UNC80: variants seen among roughly 807,000 people sequenced by gnomAD.
UNC80 encodes protein unc-80 homolog.
In UNC80, 164 loss-of-function variants were observed where a neutral mutation model predicts 384.6. The observed-to-expected ratio is 0.43, with a 90% CI of 0.38 to 0.49. UNC80 has a LOEUF of 0.49. Ranked by LOEUF, UNC80 falls within the 20% of genes least tolerant of loss-of-function variation. UNC80 has a pLI of 0.00. For missense variants in UNC80, 3,330 were observed against 4,143.0 expected, an observed-to-expected ratio of 0.80 and a Z score of 5.39; for synonymous variants, 1,486 against 1,527.8, an observed-to-expected ratio of 0.97 and a Z score of 0.64.
Position 209,842,352 on chromosome 2 carries a change from C to A in UNC80, c.3360C>A (p.Val1120=). The A allele has an allele frequency of 6.5e-7, 1 of 1,544,376 alleles. No individual in the cohort carries two copies. The highest frequency in any genetic ancestry group is 8.7e-7 in the Non-Finnish European group (1 of 1,143,868). Residue 1120 remains valine (V), a splice_region_variant and synonymous_variant, in exon 21 of 65, where the codon GTC becomes GTA. Coordinates refer to ENST00000673920, the MANE Select transcript of UNC80 (RefSeq NM_001371986.1). ...TTCCTTTTTTTTTCTTTTTTCAGGTCAAATTCACTAGTGCTGTGAAGCTTT... is the reference window on the plus strand; with the variant it reads ...TTCCTTTTTTTTTCTTTTTTCAGGTAAAATTCACTAGTGCTGTGAAGCTTT... ...RLSFIRQSSK[V]KFTSAVKLSE...
At chr2:209,799,628 G>A (rs1024255106) in intron 7 of UNC80, among the ~76,000 whole-genome samples, 1 of 152,156 alleles carries the variant, frequency 6.6e-6, no homozygotes, top group Non-Finnish European at 1.5e-5. Context: ...AGTGGTAAGA[G>A]AGGGCATCCT....
intron 22 of UNC80, among the ~76,000 whole-genome samples, chr2:209,867,291 G>A (rs2083914010): frequency 6.6e-6 from 1 of 152,154 alleles, no homozygotes. Flanking sequence ...TGACGCCTAG[G>A]CTCAAATATG....
chr2:209,781,342 T>A (rs1046220838), intron 4 of UNC80, among the ~76,000 whole-genome samples: 2 of 152,184 alleles, frequency 1.3e-5, no homozygotes, highest in African/African-American at 4.8e-5. Flanking sequence ...AGACTGTGAG[T>A]AACCAAGATG....
chr2:209,962,359 GCTTCTGAGGT>G (rs970097354), intron 51 of UNC80, among the ~76,000 whole-genome samples: 24 of 152,056 alleles, frequency 1.6e-4, no homozygotes, highest in Non-Finnish European at 3.2e-4. Flanking sequence ...AAAAACCTTG[GCTTCTGAGGT>G]CTTCATTTTG....
At chr2:209,986,115 G>A (rs1575231230) in intron 61 of UNC80, among the ~76,000 whole-genome samples, 1 of 152,222 alleles carries the variant, frequency 6.6e-6, no homozygotes, top group East Asian at 1.9e-4. Flanking sequence ...AAACAAAACA[G>A]TCCTCAAGAG....
rs1396840830 is a variant in UNC80 at position 209,973,267 on chromosome 2, T to C, written c.8584T>C (p.Leu2862=). The change falls in exon 56 of 65, where the codon TTG becomes CTG. Residue 2862 remains leucine, a synonymous_variant. Transcript: ENST00000673920. ...LAESTSQAAY[L]ALKVILVCFE... The stretch of plus-strand genomic sequence containing the variant: ...TGAGTCCACCAGCCAAGCAGCATAC[T>C]TGGGTTGGTACTTTCTCTCTCTCTC... 1.3e-6 allele frequency: 2 copies of C among 1,551,354 alleles called. No individual in the cohort carries two copies. The highest frequency in any genetic ancestry group is 1.4e-5 in the African/African-American group (1 of 73,022).
intron 5 of UNC80, among the ~76,000 whole-genome samples, chr2:209,789,039 G>A (rs746599901): frequency 3.3e-5 from 5 of 152,118 alleles, no homozygotes; most frequent in Non-Finnish European, 7.4e-5. Flanking sequence ...GTAACATACT[G>A]TACAGGTTTG....
intron 35 of UNC80, among the ~76,000 whole-genome samples, chr2:209,923,558 C>G (rs532550402): frequency 3.9e-5 from 6 of 152,192 alleles, no homozygotes; most frequent in East Asian, 3.9e-4. Flanking sequence ...CAGTTCTGTT[C>G]TACTGATCTG....
At chr2:209,961,542 T>C (rs2092590557) in intron 51 of UNC80, 1 of 152,160 alleles carries the variant, frequency 6.6e-6, no homozygotes, top group Non-Finnish European at 1.5e-5. Flanking sequence ...ATGTGAAAGA[T>C]TTTCAAGGAG....
chr2:209,876,760 G>A (rs530602773), intron 23 of UNC80, among the ~76,000 whole-genome samples: 7 of 152,168 alleles, frequency 4.6e-5, no homozygotes, highest in South Asian at 2.1e-4. Context: ...AAACTTACCC[G>A]GTTAGCAGCT....
intron 52 of UNC80, 190 bp from the exon 53 acceptor site, chr2:209,969,578 C>T (rs1034379912): frequency 1.2e-5 from 8 of 677,314 alleles, no homozygotes; most frequent in Non-Finnish European, 1.9e-5. Flanking sequence ...GTGGGGCAGG[C>T]CTGCCTCTGC....
chr2:209,945,720 T>C, intron 46 of UNC80, 127 bp from the exon 47 acceptor site: 1 of 598,850 alleles, frequency 1.7e-6, no homozygotes, highest in South Asian at 2.5e-5. Flanking sequence ...TTTCACAGCG[T>C]AGGAATAAAA....
intron 47 of UNC80, 31 bp from the exon 48 acceptor site, chr2:209,954,069 G>T: frequency 1.3e-6 from 2 of 1,533,612 alleles, no homozygotes; most frequent in African/African-American, 1.4e-5. Flanking sequence ...GAATGTAAAA[G>T]GTGACTCGGT....
rs1420176793 is a variant in UNC80, at chr2:209,829,376, G to A, written c.2623G>A (p.Asp875Asn). The change falls in exon 15 of 65, where the codon GAC becomes AAC. Residue 875 changes from aspartate (D) to asparagine (N), a missense_variant. Coordinates refer to ENST00000673920, the MANE Select transcript of UNC80 (RefSeq NM_001371986.1). ...LLGFCMEPVT[D>N]NKAGFGNNFT... ...AGGATTTTGTATGGAGCCGGTCACT[G>A]ACAGTAAGTAAAGCTGCACCCAAGT... The A allele has an allele frequency of 1.3e-6, 2 of 1,551,246 alleles. No homozygotes were observed. The highest frequency in any genetic ancestry group is 1.2e-5 in the South Asian group (1 of 84,044).
intron 47 of UNC80, among the ~76,000 whole-genome samples, chr2:209,951,269 A>G (rs2092167116): frequency 1.3e-5 from 2 of 151,198 alleles, no homozygotes; most frequent in Admixed American, 6.6e-5. Flanking sequence ...ATCTTATTGC[A>G]CATTTGAATT....
intron 22 of UNC80, among the ~76,000 whole-genome samples, chr2:209,864,797 G>T (rs1224252673): frequency 6.6e-6 from 1 of 152,218 alleles, no homozygotes; most frequent in African/African-American, 2.4e-5. Context: ...TTAGGTCATT[G>T]CGAGTCCCAC....
intron 7 of UNC80, among the ~76,000 whole-genome samples, chr2:209,802,279 C>T (rs2078612258): frequency 6.6e-6 from 1 of 151,706 alleles, no homozygotes; most frequent in African/African-American, 2.4e-5. Context: ...TTGTTTATTT[C>T]AAAATTATTA....
intron 61 of UNC80, among the ~76,000 whole-genome samples, chr2:209,985,469 A>G (rs2093267734): frequency 6.6e-6 from 1 of 152,248 alleles, no homozygotes; most frequent in African/African-American, 2.4e-5. Context: ...TTGTTCCAGC[A>G]ACACTTATAC....
intron 33 of UNC80, 31 bp from the exon 34 acceptor site, chr2:209,921,469 A>G (rs1047505892): frequency 9.8e-6 from 15 of 1,526,248 alleles, no homozygotes; most frequent in Non-Finnish European, 1.2e-5. Context: ...AAGAATTGCT[A>G]TTAAATGAAC....
Sources: gnomAD v4.1 joint callset for allele counts (sites outside exome capture counted in the v4.1 genomes callset) on GRCh38, gnomAD v4.1.1 for gene constraint, MANE v1.5 for transcripts, NCBI Gene and HGNC (gene_info 2026-07-23, HGNC 2026-07-21) for gene names.